Variants in MYO5C observed in about 807,000 individuals in gnomAD.
MYO5C encodes the protein unconventional myosin-Vc.
A neutral mutation model predicts 235.7 loss-of-function variants in MYO5C; 194 were observed. The observed-to-expected ratio is 0.82, with a 90% CI of 0.73 to 0.93. MYO5C has a LOEUF of 0.93. MYO5C is among the 40% of genes least tolerant of loss of function. MYO5C has a pLI of 0.00. For missense variants in MYO5C, 2,038 were observed against 2,127.2 expected, an observed-to-expected ratio of 0.96 and a Z score of 0.82; for synonymous variants, 707 against 754.8, an observed-to-expected ratio of 0.94 and a Z score of 1.04.
intron 36 of MYO5C, among the ~76,000 whole-genome samples, chr15:52,207,184 G>A (rs1488686053): frequency 6.6e-6 from 1 of 151,848 alleles, no homozygotes; most frequent in Non-Finnish European, 1.5e-5. Flanking sequence ...GTAAGAGACA[G>A]AGGTGAAAAG....
chr15:52,252,287 T>A (rs1448397647), intron 12 of MYO5C, among the ~76,000 whole-genome samples: 1 of 152,086 alleles, frequency 6.6e-6, no homozygotes. Flanking sequence ...CACGGGTGAA[T>A]GGGAAAAGAC....
At chr15:52,260,682 A>C (rs1323057049) in intron 10 of MYO5C, among the ~76,000 whole-genome samples, 180 bp downstream of exon 10, 1 of 152,188 alleles carries the variant, frequency 6.6e-6, no homozygotes, top group Non-Finnish European at 1.5e-5. Flanking sequence ...TCTTTAATGC[A>C]CTTTGAATAA....
intron 8 of MYO5C, among the ~76,000 whole-genome samples, chr15:52,268,435 T>G (rs1465982209): frequency 6.6e-6 from 1 of 152,046 alleles, no homozygotes; most frequent in Non-Finnish European, 1.5e-5. Flanking sequence ...TGGTGGCGTG[T>G]GCTTGTAATC....
At chr15:52,201,104 G>T (rs1057239358) in intron 38 of MYO5C, among the ~76,000 whole-genome samples, 2 of 152,152 alleles carry the variant, frequency 1.3e-5, no homozygotes, top group Non-Finnish European at 2.9e-5. Context: ...AGAAGACAAA[G>T]AGTATGATGC....
chr15:52,253,909 G>T (rs1428135104), intron 11 of MYO5C, among the ~76,000 whole-genome samples: 1 of 150,436 alleles, frequency 6.6e-6, no homozygotes, highest in East Asian at 2.0e-4. Context: ...GGGCTGTAAG[G>T]GTATCAGGGA....
intron 12 of MYO5C, 35 bp downstream of exon 12, chr15:52,253,282 A>C (rs1324333873): frequency 6.3e-7 from 1 of 1,592,402 alleles, no homozygotes; most frequent in African/African-American, 1.4e-5. Flanking sequence ...GTTACTACTT[A>C]AAAGCTGAAA....
At chr15:52,218,013 G>A (rs942184382) in intron 32 of MYO5C, among the ~76,000 whole-genome samples, 3 of 152,166 alleles carry the variant, frequency 2.0e-5, no homozygotes, top group African/African-American at 7.2e-5. Context: ...TTTCATTTTG[G>A]TAAGGGCATT....
rs943150513 is a variant in MYO5C at position 52,271,831 on chromosome 15, C to T, written c.764G>A (p.Arg255Gln). The stretch of plus-strand genomic sequence containing the variant: ...AAGCTGATAGAAAATGTGGTAATTT[C>T]GTTCATTTTCCGACTGTAAGATAAA... Reference protein sequence around the residue: ...SRVVFQSENERNYHIFYQLCA... With the variant: ...SRVVFQSENEQNYHIFYQLCA... The change falls in exon 7 of 41, where the codon CGA (arginine) becomes CAA (glutamine). Residue 255 changes from arginine to glutamine, a missense_variant. By Grantham distance (43) the Arg-to-Gln change is conservative. Transcript: ENST00000261839. The T allele has an allele frequency of 3.2e-6, 5 of 1,586,924 alleles. No homozygotes were observed. The highest frequency in any genetic ancestry group is 2.3e-5 in the South Asian group (2 of 87,126).
chr15:52,220,063 C>T (rs1309853203), intron 30 of MYO5C, among the ~76,000 whole-genome samples: 1 of 152,126 alleles, frequency 6.6e-6, no homozygotes, highest in East Asian at 1.9e-4. Context: ...AGAAAGTTTA[C>T]GAATTTGTAT....
rs2037027194 is a variant in MYO5C, at chr15:52,275,575, T to C, written c.593A>G (p.Asn198Ser). 5.0e-6 allele frequency: 8 copies of C among 1,614,164 alleles called. No individual in the cohort carries two copies. The highest frequency in any genetic ancestry group is 2.7e-5 in the African/African-American group (2 of 75,026). The part of the protein sequence containing the change: ...AHVEDKVLAS[N>S]PITEAVGNAK... Reference sequence around the variant, plus strand: ...AGTGGTACGCACCTCGGTGATGGGATTGGATGCCAGGACCTTGTCTTCCAC... The same window carrying C: ...AGTGGTACGCACCTCGGTGATGGGACTGGATGCCAGGACCTTGTCTTCCAC... The change falls in exon 5 of 41, where the codon AAT becomes AGT. Residue 198 changes from asparagine (N) to serine (S), a missense_variant. By Grantham distance (46) the Asn-to-Ser change is conservative. Coordinates refer to ENST00000261839, the MANE Select transcript of MYO5C (RefSeq NM_018728.4).
chr15:52,227,399 G>A (rs1337209655), intron 25 of MYO5C, among the ~76,000 whole-genome samples: 130 of 148,742 alleles, frequency 8.7e-4, no homozygotes, highest in African/African-American at 3.2e-3. Flanking sequence ...GGGTTTCACC[G>A]TGTTAACTAG....
At chr15:52,242,379 G>A (rs56115474) in intron 19 of MYO5C, 166 bp from the exon 20 acceptor site, 34 of 701,012 alleles carry the variant, frequency 4.9e-5, no homozygotes, top group Non-Finnish European at 8.0e-5. Context: ...CTTGAGGCCA[G>A]TCCCCAGTTC....
intron 1 of MYO5C, among the ~76,000 whole-genome samples, chr15:52,285,700 A>G (rs2037250183): frequency 6.6e-6 from 1 of 152,224 alleles, no homozygotes; most frequent in Non-Finnish European, 1.5e-5. Flanking sequence ...CCAGCTCCGA[A>G]CCACGAGTGA....
In MYO5C at chr15:52,269,838, ATAAT is replaced by A; in HGVS notation, c.851_854del (p.Asn284IlefsTer13). The A allele has an allele frequency of 6.2e-7, 1 of 1,613,322 alleles. No homozygotes were observed. The highest frequency in any genetic ancestry group is 8.5e-7 in the Non-Finnish European group (1 of 1,179,358). On this transcript the variant is annotated frameshift_variant, in exon 8 of 41. Coordinates refer to ENST00000261839, the MANE Select transcript of MYO5C (RefSeq NM_018728.4). LOFTEE classifies it high-confidence loss of function. ...TGACAGTATTGCCTCCCATTCTTGT[ATAAT>A]TAAATTCTTCGGCACTCCCTGAAAT...
At chr15:52,275,189 A>G (rs1180879765) in intron 5 of MYO5C, among the ~76,000 whole-genome samples, 1 of 152,238 alleles carries the variant, frequency 6.6e-6, no homozygotes, top group African/African-American at 2.4e-5. Flanking sequence ...AGGTTTATCA[A>G]TCAGCTTGCA....
chr15:52,260,714 G>C, intron 10 of MYO5C, 148 bp downstream of exon 10: 1 of 809,910 alleles, frequency 1.2e-6, no homozygotes, highest in Non-Finnish European at 1.9e-6. Context: ...GCCCAGGAGA[G>C]TGTACTTAGC....
chr15:52,232,457 C>T (rs539457794), intron 24 of MYO5C, among the ~76,000 whole-genome samples, 165 bp downstream of exon 24: 1 of 152,148 alleles, frequency 6.6e-6, no homozygotes, highest in African/African-American at 2.4e-5. Flanking sequence ...TCTGACAGTA[C>T]ACATTGTGGA....
At chr15:52,268,529 C>T (rs541790122) in intron 8 of MYO5C, among the ~76,000 whole-genome samples, 5 of 150,754 alleles carry the variant, frequency 3.3e-5, no homozygotes, top group South Asian at 2.1e-4. Context: ...GCCAGCCTGG[C>T]GACAGTGTAA....
chr15:52,223,341 G>C (rs2035744058), intron 29 of MYO5C, among the ~76,000 whole-genome samples: 1 of 152,118 alleles, frequency 6.6e-6, no homozygotes, highest in Non-Finnish European at 1.5e-5. Context: ...CAGCCATCCT[G>C]TGGTGAACAC....
Sources: allele counts gnomAD v4.1 joint callset (sites outside exome capture counted in the v4.1 genomes callset), GRCh38; gene constraint gnomAD v4.1.1; transcripts MANE v1.5; gene names NCBI Gene and HGNC (gene_info 2026-07-23, HGNC 2026-07-21).